The following LMBR1 variants were observed in gnomAD, a reference collection of about 807,000 sequenced individuals.
The protein encoded by LMBR1 is limb region 1 protein homolog.
In LMBR1, 52 loss-of-function variants were observed where a neutral mutation model predicts 73.9. That is an observed-to-expected ratio of 0.70 (90% CI 0.56 to 0.89). The LOEUF (loss-of-function observed/expected upper bound fraction) is 0.89, where lower values mean the gene tolerates loss of function less well. LMBR1 is among the 40% of genes least tolerant of loss of function. The probability of loss-of-function intolerance (pLI) is 0.00; values close to 1 mark genes in which losing one functional copy is unlikely to be tolerated. For missense variants in LMBR1, 539 were observed against 579.8 expected, an observed-to-expected ratio of 0.93 and a Z score of 0.72; for synonymous variants, 215 against 209.4, an observed-to-expected ratio of 1.03 and a Z score of -0.23.
chr7:156,775,450 C>A (rs189168640), intron 5 of LMBR1, among the ~76,000 whole-genome samples: 414 of 152,260 alleles, frequency 2.7e-3, no homozygotes, highest in African/African-American at 9.4e-3. Flanking sequence ...CATACATTGA[C>A]AAACTAAACA....
rs1023516680 is a variant in LMBR1, at chr7:156,742,912, G to T, written c.758-8655C>A. 5.9e-5 allele frequency among the ~76,000 whole-genome samples: 9 copies of T among 152,194 alleles called. No individual in the cohort carries two copies. In the South Asian group the frequency reaches 1.2e-3, roughly 21 times the overall value. On this transcript the variant is annotated intron_variant, in intron 9 of 16. Transcript: ENST00000353442. ...AAAAAGATCATTCATGATGAAGTTG[G>T]ATTTATCCGAGATGCAAGGGTGGTT...
chr7:156,698,060 T>C (rs765243508), intron 15 of LMBR1, among the ~76,000 whole-genome samples: 59 of 152,212 alleles, frequency 3.9e-4, no homozygotes, highest in Non-Finnish European at 7.5e-4. Context: ...ACAGGAGAAA[T>C]TGGCCAGGAC....
chr7:156,745,071 T>A (rs1253053565), intron 9 of LMBR1, among the ~76,000 whole-genome samples: 1 of 152,238 alleles, frequency 6.6e-6, no homozygotes, highest in African/African-American at 2.4e-5. Context: ...ACCTTTGCCA[T>A]GTAAGGTAAC....
At position 156,669,429 on chromosome 7, in the gene LMBR1, GC is replaced by G. The variant is rs959623539; in HGVS notation, n.867-143del. ...ATAAGGTGGAAATGTCTGAGGAGAT[GC>G]ACCCTGAACCCAAATGGAGGAACCG... is the stretch of plus-strand genomic sequence containing the variant. On this transcript the variant is annotated intron_variant and non_coding_transcript_variant, in intron 4 of 4. Transcript: ENST00000430825. The surrounding 1 kb of genome is among the most constrained non-coding windows in gnomAD (Gnocchi z 4.2). 5.3e-5 allele frequency: 8 copies of G among 152,290 alleles called. No individual in the cohort carries two copies. Among genetic ancestry groups the G allele is most frequent in the African/African-American group, 1.9e-4 (8 of 41,442 alleles). The allele number at this position is 152,290 out of a possible 1,614,324, so 9.4% of individuals were successfully genotyped here. A position where few individuals can be genotyped will look rare whatever the true frequency, so the allele number is the denominator to read the frequency against.
intron 1 of LMBR1, among the ~76,000 whole-genome samples, chr7:156,888,401 C>T (rs911828116): frequency 1.3e-4 from 17 of 134,058 alleles, no homozygotes; most frequent in Non-Finnish European, 2.6e-4. Context: ...CACAGCGAGA[C>T]TCTGTCTCAA....
At chr7:156,855,568 A>T (rs1796830156) in intron 1 of LMBR1, among the ~76,000 whole-genome samples, 2 of 152,060 alleles carry the variant, frequency 1.3e-5, no homozygotes, top group South Asian at 4.1e-4. Flanking sequence ...AAAGCAACAG[A>T]TAAAATATTT....
At chr7:156,820,114 T>C (rs1206969974) in intron 4 of LMBR1, among the ~76,000 whole-genome samples, 1 of 152,190 alleles carries the variant, frequency 6.6e-6, no homozygotes, top group Non-Finnish European at 1.5e-5. Context: ...CAGACAGAGC[T>C]TCCAGAATAA....
chr7:156,891,615 A>T (rs962784377), intron 1 of LMBR1, among the ~76,000 whole-genome samples: 3 of 152,038 alleles, frequency 2.0e-5, no homozygotes, highest in African/African-American at 2.4e-5. Flanking sequence ...GTGTTTATTT[A>T]TTTATTTTTT....
intron 9 of LMBR1, among the ~76,000 whole-genome samples, chr7:156,755,511 T>C (rs1481902487): frequency 6.6e-6 from 1 of 152,228 alleles, no homozygotes; most frequent in Non-Finnish European, 1.5e-5. Flanking sequence ...ACATACTCTT[T>C]ACAACTCAGG....
intron 9 of LMBR1, among the ~76,000 whole-genome samples, chr7:156,748,288 T>A (rs1820203522): frequency 6.6e-6 from 1 of 152,200 alleles, no homozygotes; most frequent in Admixed American, 6.5e-5. Context: ...CATTATATAA[T>A]GCTAGGTACA....
downstream of LMBR1, chr7:156,676,810 A>G (rs542950240): frequency 4.9e-6 from 3 of 612,540 alleles, no homozygotes; most frequent in South Asian, 6.4e-5. Context: ...ATATTTTAAA[A>G]GCTGACATCC....
intron 4 of LMBR1, among the ~76,000 whole-genome samples, chr7:156,671,495 C>G (rs1283806878): frequency 6.6e-6 from 1 of 152,250 alleles, no homozygotes; most frequent in African/African-American, 2.4e-5. Flanking sequence ...CACATATTTT[C>G]TTTCAAAGTA....
At chr7:156,824,401 T>A (rs1835311669) in intron 4 of LMBR1, among the ~76,000 whole-genome samples, 1 of 152,178 alleles carries the variant, frequency 6.6e-6, no homozygotes, top group Non-Finnish European at 1.5e-5. Flanking sequence ...AGTATATTTA[T>A]CTTACATATA....
At chr7:156,676,495 C>T (rs748066642), downstream of LMBR1, 4 of 1,613,912 alleles carry the variant, frequency 2.5e-6, no homozygotes, top group East Asian at 2.2e-5. Flanking sequence ...CGCGTGGGTG[C>T]AGGCAGGCGT....
intron 5 of LMBR1, among the ~76,000 whole-genome samples, chr7:156,783,834 A>G (rs1490023662): frequency 1.3e-5 from 2 of 152,168 alleles, no homozygotes; most frequent in Non-Finnish European, 2.9e-5. Flanking sequence ...AGCTCCTTCA[A>G]TGGTGTAAGA....
chr7:156,867,967 C>T (rs1397230015), intron 1 of LMBR1, among the ~76,000 whole-genome samples: 1 of 152,052 alleles, frequency 6.6e-6, no homozygotes, highest in African/African-American at 2.4e-5. Context: ...ATAGTTGAGG[C>T]TGGGTGCCAT....
intron 3 of LMBR1, among the ~76,000 whole-genome samples, chr7:156,833,022 A>C (rs1836965942): frequency 2.0e-5 from 3 of 152,212 alleles, no homozygotes; most frequent in Admixed American, 1.3e-4. Flanking sequence ...ATTTTGATAC[A>C]TAGGTAGAAT....
chr7:156,854,166 T>C (rs1388767650), intron 1 of LMBR1, among the ~76,000 whole-genome samples: 1 of 152,176 alleles, frequency 6.6e-6, no homozygotes, highest in Non-Finnish European at 1.5e-5. Context: ...ACAACTCTTC[T>C]TAAATCCATA....
intron 4 of LMBR1, among the ~76,000 whole-genome samples, chr7:156,804,049 G>A (rs144948055): frequency 1.3e-5 from 2 of 151,408 alleles, no homozygotes; most frequent in Non-Finnish European, 2.9e-5. Context: ...TGCTAAATGA[G>A]GAGATGATGG....
Sources: allele counts gnomAD v4.1 joint callset (sites outside exome capture counted in the v4.1 genomes callset), GRCh38; gene constraint gnomAD v4.1.1; non-coding constraint Gnocchi (gnomAD v3.1); transcripts MANE v1.5; gene names NCBI Gene and HGNC (gene_info 2026-07-23, HGNC 2026-07-21).